Variants in CWC27 observed in about 807,000 individuals in gnomAD.
The protein encoded by CWC27 is CWC27 spliceosome associated cyclophilin.
In CWC27, 47 loss-of-function variants were observed where a neutral mutation model predicts 63.6. The observed-to-expected ratio is 0.74, with a 90% confidence interval of 0.58 to 0.94. The LOEUF is 0.94. CWC27 is among the 40% of genes least tolerant of loss of function. The pLI is 0.00. For synonymous variants in CWC27, 175 were observed against 179.8 expected (o/e 0.97, Z 0.22); for missense variants, 495 against 554.3 (o/e 0.89, Z 1.07).
At chr5:64,838,675 C>T (rs1745724212) in intron 10 of CWC27, among the ~76,000 whole-genome samples, 1 of 152,158 alleles carries the variant, frequency 6.6e-6, no homozygotes, top group Non-Finnish European at 1.5e-5. Context: ...TTCTCTGCCA[C>T]AAACTTACAA....
In CWC27 at chr5:65,016,770, C is replaced by T. The variant is rs140871058; in HGVS notation, c.1257-1389C>T. 4.4e-3 allele frequency among the ~76,000 whole-genome samples: 669 copies of T among 152,172 alleles called. 3 individuals are homozygous for T. The highest frequency in any genetic ancestry group is 5.6e-3 in the Non-Finnish European group (380 of 68,014). Reference sequence around the variant, plus strand: ...TAGGTATACCCATGTGAGTTTGCCACACAAGTAAATTTCACTCATCATTTG... The same window carrying T: ...TAGGTATACCCATGTGAGTTTGCCATACAAGTAAATTTCACTCATCATTTG... On this transcript the variant is annotated intron_variant, in intron 13 of 13. Coordinates refer to ENST00000381070, the MANE Select transcript of CWC27 (RefSeq NM_005869.4).
Position 64,801,349 on chromosome 5 carries a change from G to A in CWC27, c.780+17G>A, listed in dbSNP as rs551752076. The A allele has an allele frequency of 2.2e-6, 3 of 1,356,236 alleles. No individual in the cohort carries two copies. The highest frequency in any genetic ancestry group is 1.5e-5 in the South Asian group (1 of 68,704). 84.0% of individuals were successfully genotyped at this position (1,356,236 alleles called of 1,614,324 possible). On this transcript the variant is annotated intron_variant, in intron 9 of 13. Transcript: ENST00000381070. ...TTAGTTGATGTAAGTATTTATTTTGGTATTAATATAGTTTGAACAATTCAT... is the reference window on the plus strand; with the variant it reads ...TTAGTTGATGTAAGTATTTATTTTGATATTAATATAGTTTGAACAATTCAT...
chr5:64,946,080 A>G (rs1193793263), intron 11 of CWC27, among the ~76,000 whole-genome samples: 1 of 152,160 alleles, frequency 6.6e-6, no homozygotes, highest in Non-Finnish European at 1.5e-5. Flanking sequence ...TTTCCCAACC[A>G]GAAGTTATCT....
intron 10 of CWC27, among the ~76,000 whole-genome samples, chr5:64,833,326 G>A (rs1745578425): frequency 6.6e-6 from 1 of 151,704 alleles, no homozygotes; most frequent in Non-Finnish European, 1.5e-5. Context: ...AGTTCTTTCT[G>A]TATTTTGTTT....
At chr5:64,923,137 A>G (rs1010054207) in intron 11 of CWC27, among the ~76,000 whole-genome samples, 1 of 152,182 alleles carries the variant, frequency 6.6e-6, no homozygotes, top group African/African-American at 2.4e-5. Context: ...GGCAGGTCAG[A>G]GGTGAACACT....
At chr5:64,795,807 A>G (rs1744244762) in intron 7 of CWC27, among the ~76,000 whole-genome samples, 1 of 152,060 alleles carries the variant, frequency 6.6e-6, no homozygotes, top group African/African-American at 2.4e-5. Context: ...TAGGACATGG[A>G]CATCTTAGGG....
At chr5:64,935,417 G>A (rs1427366495) in intron 11 of CWC27, among the ~76,000 whole-genome samples, 1 of 152,134 alleles carries the variant, frequency 6.6e-6, no homozygotes, top group African/African-American at 2.4e-5. Flanking sequence ...GGTTGTAGAT[G>A]TGTGACATTA....
intron 11 of CWC27, among the ~76,000 whole-genome samples, chr5:64,970,158 TAAG>T (rs1389573118): frequency 2.0e-5 from 3 of 151,674 alleles, no homozygotes; most frequent in Non-Finnish European, 4.4e-5. Flanking sequence ...TACTGTAGGA[TAAG>T]AAGAAGAGAG....
intron 13 of CWC27, among the ~76,000 whole-genome samples, chr5:65,010,824 T>C (rs994234103): frequency 6.6e-6 from 1 of 152,226 alleles, no homozygotes; most frequent in African/African-American, 2.4e-5. Context: ...GAGTAACTTA[T>C]TACCCTTTTC....
chr5:64,934,827 T>G (rs1379954044), intron 11 of CWC27, among the ~76,000 whole-genome samples: 1 of 152,212 alleles, frequency 6.6e-6, no homozygotes, highest in African/African-American at 2.4e-5. Context: ...TCACTGTGGT[T>G]TTGATTTGCA....
chr5:64,840,430 T>TAC (rs1374968178), intron 10 of CWC27, among the ~76,000 whole-genome samples: 7 of 103,182 alleles, frequency 6.8e-5, no homozygotes, highest in African/African-American at 2.6e-4. Flanking sequence ...TATATATATA[T>TAC]ACTTATTAAG....
At chr5:64,909,956 A>G (rs1347496855) in intron 11 of CWC27, among the ~76,000 whole-genome samples, 3 of 152,142 alleles carry the variant, frequency 2.0e-5, no homozygotes, top group African/African-American at 4.8e-5. Flanking sequence ...TTCTCCATCC[A>G]GCTTTGTTCC....
At chr5:64,807,388 C>T (rs555794241) in intron 10 of CWC27, among the ~76,000 whole-genome samples, 1 of 152,260 alleles carries the variant, frequency 6.6e-6, no homozygotes, top group South Asian at 2.1e-4. Flanking sequence ...AACAAGTTTA[C>T]ATATAGTAGG....
chr5:64,769,502 T>G (rs1743162421), intron 1 of CWC27, among the ~76,000 whole-genome samples: 1 of 152,332 alleles, frequency 6.6e-6, no homozygotes, highest in South Asian at 2.1e-4. Context: ...TGATATATTC[T>G]TTGCTTAACT....
intron 7 of CWC27, among the ~76,000 whole-genome samples, chr5:64,799,080 T>A (rs1744384645): frequency 6.6e-6 from 1 of 152,154 alleles, no homozygotes; most frequent in Admixed American, 6.5e-5. Flanking sequence ...ACATTTAGAT[T>A]TTCGATATAT....
At chr5:64,811,800 G>A (rs1744886231) in intron 10 of CWC27, among the ~76,000 whole-genome samples, 1 of 152,136 alleles carries the variant, frequency 6.6e-6, no homozygotes, top group South Asian at 2.1e-4. Flanking sequence ...TATGAATATT[G>A]AAGTTGAAAA....
chr5:64,791,152 G>A (rs1744066627), intron 7 of CWC27, among the ~76,000 whole-genome samples: 1 of 150,020 alleles, frequency 6.7e-6, no homozygotes, highest in South Asian at 2.2e-4. Flanking sequence ...CAGCCTTGGA[G>A]AGCAAGGGCA....
chr5:64,884,706 T>C (rs1747024905), intron 10 of CWC27, among the ~76,000 whole-genome samples: 1 of 152,168 alleles, frequency 6.6e-6, no homozygotes, highest in Admixed American at 6.5e-5. Flanking sequence ...CCCTAAGGGT[T>C]TATGATAATG....
chr5:64,785,260 T>C (rs569143776), intron 4 of CWC27, among the ~76,000 whole-genome samples: 1 of 152,304 alleles, frequency 6.6e-6, no homozygotes, highest in East Asian at 1.9e-4. Context: ...ACATTAAATA[T>C]ATATTGGAAA....
Sources: allele counts gnomAD v4.1 joint callset (sites outside exome capture counted in the v4.1 genomes callset), GRCh38; gene constraint gnomAD v4.1.1; transcripts MANE v1.5; gene names NCBI Gene and HGNC (gene_info 2026-07-23, HGNC 2026-07-21).